COP1: variants seen among roughly 807,000 people sequenced by gnomAD.
COP1 encodes COP1 E3 ubiquitin ligase, also known as E3 ubiquitin-protein ligase COP1.
A neutral mutation model predicts 101.3 loss-of-function variants in COP1; 24 were observed. The ratio of observed to expected loss-of-function variants is 0.24; its 90% CI spans 0.17 to 0.33. The LOEUF is 0.33. Ranked by LOEUF, COP1 falls within the 10% of genes least tolerant of loss-of-function variation. COP1 has a pLI of 1.00. For synonymous variants in COP1, 347 were observed against 341.9 expected, an observed-to-expected ratio of 1.01 and a Z score of -0.17; for missense variants, 663 against 906.2, an observed-to-expected ratio of 0.73 and a Z score of 3.45.
chr1:176,112,027 C>A, intron 9 of COP1, among the ~76,000 whole-genome samples: 1 of 152,178 alleles, frequency 6.6e-6, no homozygotes, highest in East Asian at 1.9e-4. Context: ...AGAGATTAGT[C>A]AGCTCTTCTT....
intron 18 of COP1, among the ~76,000 whole-genome samples, chr1:175,959,054 A>G (rs1293789770): frequency 1.3e-5 from 2 of 152,014 alleles, no homozygotes; most frequent in Non-Finnish European, 2.9e-5. Flanking sequence ...AGACAAATGA[A>G]AAAATCCTAA....
intron 14 of COP1, among the ~76,000 whole-genome samples, chr1:176,040,303 A>C: frequency 6.8e-6 from 1 of 146,270 alleles, no homozygotes; most frequent in African/African-American, 2.5e-5. Flanking sequence ...TCTCTGTACC[A>C]CCCCCTTTTC....
intron 18 of COP1, among the ~76,000 whole-genome samples, chr1:175,967,224 C>T (rs945549344): frequency 3.9e-5 from 6 of 152,296 alleles, no homozygotes; most frequent in African/African-American, 1.4e-4. Context: ...TAAACCCAGG[C>T]TGGTATTAAA....
chr1:176,032,135 A>C (rs1668745711), intron 14 of COP1, among the ~76,000 whole-genome samples: 1 of 152,184 alleles, frequency 6.6e-6, no homozygotes. Context: ...TGCAAATATG[A>C]GTAAGTTTCA....
chr1:175,986,832 T>A (rs1207698812), intron 18 of COP1, 111 bp downstream of exon 18: 2 of 832,858 alleles, frequency 2.4e-6, no homozygotes, highest in African/African-American at 3.5e-5. Flanking sequence ...CAAAGTTTTT[T>A]AAAAAGTACA....
At chr1:175,982,339 AAACACAGGTTTG>A in intron 18 of COP1, 1 of 456,412 alleles carries the variant, frequency 2.2e-6, no homozygotes, top group Non-Finnish European at 4.4e-6. Context: ...GACCCTTGGA[AAACACAGGTTTG>A]AACTGTGAGG....
At chr1:176,024,182 C>T (rs1418284809) in intron 15 of COP1, among the ~76,000 whole-genome samples, 1 of 152,124 alleles carries the variant, frequency 6.6e-6, no homozygotes, top group Non-Finnish European at 1.5e-5. Flanking sequence ...TCACTTGAGT[C>T]GGGGAGGCAG....
chr1:176,093,674 CTA>C, intron 9 of COP1, among the ~76,000 whole-genome samples: 1 of 152,032 alleles, frequency 6.6e-6, no homozygotes, highest in Non-Finnish European at 1.5e-5. Context: ...CCCGTCTCTA[CTA>C]AAAATAAAAA....
In COP1 at chr1:176,062,744, CAAAT is replaced by C. The variant is rs375128378; in HGVS notation, c.1278-16424_1278-16421del. Among the ~76,000 whole-genome samples, 1,206 of 140,964 alleles carry C rather than the reference CAAAT, an allele frequency of 8.6e-3. 8 individuals carry two copies. The highest frequency in any genetic ancestry group is 0.014 in the Non-Finnish European group (916 of 65,562). The allele number at this position is 140,964 out of a possible 152,430, so 92.5% of individuals were successfully genotyped here. ...AAACTAAAACCCAGACAAGTTTATT[CAAAT>C]AAATAAACTGTACAATTATTCAAAT... is the stretch of plus-strand genomic sequence containing the variant. On this transcript the variant is annotated intron_variant, in intron 11 of 19. Coordinates refer to ENST00000367669, the MANE Select transcript of COP1 (RefSeq NM_022457.7).
At chr1:176,080,589 T>C (rs547865074) in intron 11 of COP1, among the ~76,000 whole-genome samples, 1 of 152,206 alleles carries the variant, frequency 6.6e-6, no homozygotes, top group South Asian at 2.1e-4. Flanking sequence ...AAAATCATCA[T>C]ACAATCCAAA....
intron 1 of COP1, among the ~76,000 whole-genome samples, chr1:176,190,840 C>T (rs1428063454): frequency 1.3e-5 from 2 of 151,856 alleles, no homozygotes; most frequent in African/African-American, 2.4e-5. Flanking sequence ...CTCCATTATG[C>T]TTTCATAAAA....
intron 11 of COP1, among the ~76,000 whole-genome samples, chr1:176,064,662 C>CT (rs1370037676): frequency 6.6e-5 from 10 of 151,486 alleles, no homozygotes; most frequent in East Asian, 1.9e-4. Flanking sequence ...CGTTTTCTTT[C>CT]TTTTTTTTTG....
At chr1:176,120,075 C>A (rs1405556277) in intron 8 of COP1, among the ~76,000 whole-genome samples, 1 of 152,096 alleles carries the variant, frequency 6.6e-6, no homozygotes, top group East Asian at 1.9e-4. Flanking sequence ...ACTTTGTAGA[C>A]ATATTTTAAA....
intron 11 of COP1, among the ~76,000 whole-genome samples, chr1:176,072,860 A>T (rs143830759): frequency 6.2e-4 from 95 of 152,320 alleles, no homozygotes; most frequent in African/African-American, 2.2e-3. Flanking sequence ...AAATTAGTAT[A>T]AAAAATATTC....
At chr1:176,007,640 C>T (rs1222342747) in intron 15 of COP1, among the ~76,000 whole-genome samples, 1 of 151,762 alleles carries the variant, frequency 6.6e-6, no homozygotes, top group Non-Finnish European at 1.5e-5. Context: ...GGGGGTGTCT[C>T]CCAGTTAGGC....
chr1:176,155,176 C>CA (rs1393310766), intron 5 of COP1, among the ~76,000 whole-genome samples: 6 of 151,690 alleles, frequency 4.0e-5, no homozygotes, highest in Admixed American at 1.3e-4. Context: ...TCCACAGTAA[C>CA]AAAAAAAGGG....
At chr1:175,988,599 G>A (rs1471145423) in intron 16 of COP1, 187 bp from the exon 17 acceptor site, 9 of 462,772 alleles carry the variant, frequency 1.9e-5, no homozygotes, top group Middle Eastern at 4.4e-4. Context: ...TTGGTAGGCC[G>A]AGGCAGGTGG....
chr1:175,967,864 ATTTCTTT>A (rs979938658), intron 18 of COP1, among the ~76,000 whole-genome samples: 1 of 151,676 alleles, frequency 6.6e-6, no homozygotes, highest in Non-Finnish European at 1.5e-5. Flanking sequence ...GAAGAATAAT[ATTTCTTT>A]TTTCTTTTTT....
intron 15 of COP1, 137 bp from the exon 16 acceptor site, chr1:175,989,616 A>G: frequency 1.8e-6 from 1 of 568,560 alleles, no homozygotes; most frequent in East Asian, 2.8e-5. Context: ...ACAAAGGAAA[A>G]GGAATCCTTT....
Sources: gnomAD v4.1 joint callset for allele counts (sites outside exome capture counted in the v4.1 genomes callset) on GRCh38, gnomAD v4.1.1 for gene constraint, MANE v1.5 for transcripts, NCBI Gene and HGNC (gene_info 2026-07-23, HGNC 2026-07-21) for gene names.